The following SOCS4 variants were observed in gnomAD, a reference collection of about 807,000 sequenced individuals.
SOCS4 encodes the protein suppressor of cytokine signaling 4.
A neutral mutation model predicts 34.1 loss-of-function variants in SOCS4; 20 were observed. The ratio of observed to expected loss-of-function variants is 0.59; its 90% CI spans 0.41 to 0.85. The LOEUF is 0.85. Among genes scored for constraint, SOCS4 ranks in the 40% least tolerant of loss-of-function variants. SOCS4 has a pLI of 0.00. For synonymous variants in SOCS4, 180 were observed against 186.4 expected, an observed-to-expected ratio of 0.97 and a Z score of 0.28; for missense variants, 479 against 532.4, an observed-to-expected ratio of 0.90 and a Z score of 0.99.
chr14:55,043,602 T>C lies in SOCS4; in HGVS notation c.561T>C (p.Cys187=). ...KRRNMEENIN[C]FSHTNVQPCV... ...GAAATATGGAAGAAAATATAAACTGTTTCTCACATACCAATGTTCAGCCCT... is the reference window on the plus strand; with the variant it reads ...GAAATATGGAAGAAAATATAAACTGCTTCTCACATACCAATGTTCAGCCCT... The change falls in exon 3 of 3, where the codon TGT becomes TGC. Residue 187 remains cysteine, a synonymous_variant. Transcript: ENST00000555846. 1 of 1,614,162 alleles carries C rather than the reference T, an allele frequency of 6.2e-7. No homozygotes were observed. The highest frequency in any genetic ancestry group is 8.5e-7 in the Non-Finnish European group (1 of 1,180,020).
chr14:55,028,591 C>T (rs1192738885), intron 1 of SOCS4, among the ~76,000 whole-genome samples: 1 of 152,130 alleles, frequency 6.6e-6, no homozygotes, highest in African/African-American at 2.4e-5. Context: ...CAGAGCTCAG[C>T]ATAAGAAGAA....
chr14:55,043,823 C>T lies in SOCS4; in HGVS notation c.782C>T (p.Pro261Leu). 6.2e-7 allele frequency: 1 copy of T among 1,614,150 alleles called. No individual in the cohort carries two copies. The highest frequency in any genetic ancestry group is 8.5e-7 in the Non-Finnish European group (1 of 1,180,014). ...GATGAAATCCTGCAGTTGGAAACACCTCCTAAATACCACACGCAGATTGAT... is the reference window on the plus strand; with the variant it reads ...GATGAAATCCTGCAGTTGGAAACACTTCCTAAATACCACACGCAGATTGAT... ...LDDEILQLETPPKYHTQIDYV... is the reference protein window; with the variant it reads ...LDDEILQLETLPKYHTQIDYV... Residue 261 changes from proline to leucine, a missense_variant, in exon 3 of 3, where the codon CCT (proline) becomes CTT (leucine). By Grantham distance (98) the Pro-to-Leu change is moderately conservative. Coordinates refer to ENST00000555846, the MANE Select transcript of SOCS4 (RefSeq NM_199421.2).
chr14:55,033,871 G>A (rs924950451), intron 2 of SOCS4, among the ~76,000 whole-genome samples: 1 of 152,224 alleles, frequency 6.6e-6, no homozygotes, highest in African/African-American at 2.4e-5. Context: ...GGTGGCGCAT[G>A]CCTGTAATTC....
In SOCS4 at chr14:55,044,450, A is replaced by C; in HGVS notation, c.*86A>C. On this transcript the variant is annotated 3_prime_UTR_variant, in exon 3 of 3. Coordinates refer to ENST00000555846, the MANE Select transcript of SOCS4 (RefSeq NM_199421.2). ...TTTTTATGCCACTTTGGATTTTTCT[A>C]CAAAGGCAGTGGTGTCCAAAATAAA... 1 of 1,043,242 alleles carries C rather than the reference A, an allele frequency of 9.6e-7. No individual in the cohort carries two copies. Among genetic ancestry groups the C allele is most frequent in the Non-Finnish European group, 1.3e-6 (1 of 794,456 alleles). The allele number at this position is 1,043,242 out of a possible 1,614,324, so 64.6% of individuals were successfully genotyped here. A position where few individuals can be genotyped will look rare whatever the true frequency, so the allele number is the denominator to read the frequency against.
intron 2 of SOCS4, among the ~76,000 whole-genome samples, chr14:55,039,030 G>A (rs1021445296): frequency 2.0e-5 from 3 of 152,194 alleles, no homozygotes; most frequent in African/African-American, 7.2e-5. Context: ...TGTTTGGACT[G>A]ACTTCTGAGA....
At chr14:55,041,559 A>C (rs149816367) in intron 2 of SOCS4, among the ~76,000 whole-genome samples, 13,309 of 150,792 alleles carry the variant, frequency 0.088, 785 homozygotes, top group Admixed American at 0.16. Flanking sequence ...GCCCACTGCA[A>C]CCTCTGCCTC....
intron 2 of SOCS4, 73 bp from the exon 3 acceptor site, chr14:55,042,879 T>C: frequency 1.6e-6 from 1 of 627,420 alleles, no homozygotes; most frequent in Non-Finnish European, 2.7e-6. Context: ...CTCTTGTGTC[T>C]AATAGAAGCT....
intron 2 of SOCS4, among the ~76,000 whole-genome samples, chr14:55,036,853 A>C (rs2042576603): frequency 6.6e-6 from 1 of 151,878 alleles, no homozygotes; most frequent in African/African-American, 2.4e-5. Context: ...AGTGGCTCAC[A>C]CCTGAAAATC....
rs766150304 is a variant in SOCS4 at position 55,044,351 on chromosome 14, A to G, written c.1310A>G (p.Glu437Gly). 1 of 1,605,754 alleles carries G rather than the reference A, an allele frequency of 6.2e-7. No homozygotes were observed. The highest frequency in any genetic ancestry group is 2.2e-5 in the East Asian group (1 of 44,732). ...KVRVLRIDAP[E>G]QQC is the part of the protein sequence containing the mutation. ...AGAGTACTCAGGATTGATGCACCAG[A>G]ACAGCAATGCTAGTAACAGGATGGG... The change falls in exon 3 of 3, where the codon GAA becomes GGA. Residue 437 changes from glutamate to glycine, a missense_variant. By Grantham distance (98) the Glu-to-Gly change is moderately conservative (BLOSUM62 -2). Transcript: ENST00000555846.
intron 1 of SOCS4, among the ~76,000 whole-genome samples, chr14:55,030,172 A>G (rs565822619): frequency 1.8e-4 from 27 of 152,308 alleles, no homozygotes; most frequent in Non-Finnish European, 3.4e-4. Context: ...TTAGTAAAAC[A>G]TAAAGTGTAG....
chr14:55,043,705 A>G lies in SOCS4; in HGVS notation c.664A>G (p.Ser222Gly), dbSNP rs1182330141. The change falls in exon 3 of 3, where the codon AGT (serine) becomes GGT (glycine). Residue 222 changes from serine (S) to glycine (G), a missense_variant. By Grantham distance (56) the Ser-to-Gly change is moderately conservative (BLOSUM62 0). Coordinates refer to ENST00000555846, the MANE Select transcript of SOCS4 (RefSeq NM_199421.2). ...TGTGATGAACCTGGTTTCAAATAACAGTATAGAAGATAGTGATATGGATTC... is the reference window on the plus strand; with the variant it reads ...TGTGATGAACCTGGTTTCAAATAACGGTATAGAAGATAGTGATATGGATTC... Reference protein sequence around the residue: ...GSVMNLVSNNSIEDSDMDSDD... With the variant: ...GSVMNLVSNNGIEDSDMDSDD... 16 of 1,614,092 alleles carry G rather than the reference A, an allele frequency of 9.9e-6. 1 individual carries two copies. Among genetic ancestry groups the G allele is most frequent in the South Asian group, 3.3e-5 (3 of 91,088 alleles).
chr14:55,039,629 C>T (rs1167613196), intron 2 of SOCS4, among the ~76,000 whole-genome samples: 1 of 152,232 alleles, frequency 6.6e-6, no homozygotes, highest in African/African-American at 2.4e-5. Flanking sequence ...CGCGATGGCG[C>T]ATGCCTGTAA....
Position 55,043,699 on chromosome 14 carries a change from A to G in SOCS4, c.658A>G (p.Asn220Asp). ...MTGSVMNLVS[N>D]NSIEDSDMDS... Reference sequence around the variant, plus strand: ...TGGCTCTGTGATGAACCTGGTTTCAAATAACAGTATAGAAGATAGTGATAT... The same window carrying G: ...TGGCTCTGTGATGAACCTGGTTTCAGATAACAGTATAGAAGATAGTGATAT... Residue 220 changes from asparagine (N) to aspartate (D), a missense_variant, in exon 3 of 3, where the codon AAT becomes GAT. Coordinates refer to ENST00000555846, the MANE Select transcript of SOCS4 (RefSeq NM_199421.2). 2 of 1,614,206 alleles carry G rather than the reference A, an allele frequency of 1.2e-6. No homozygotes were observed. Among genetic ancestry groups the G allele is most frequent in the South Asian group, 1.1e-5 (1 of 91,082 alleles).
In SOCS4 at chr14:55,043,851, T is replaced by C. The variant is rs755088037; in HGVS notation, c.810T>C (p.Tyr270=). The C allele has an allele frequency of 1.4e-5, 23 of 1,614,110 alleles. No homozygotes were observed. In the South Asian group the frequency reaches 2.0e-4, roughly 14 times the overall value. The change falls in exon 3 of 3, where the codon TAT becomes TAC. Residue 270 remains tyrosine (Y), a synonymous_variant. Transcript: ENST00000555846. ...CTAAATACCACACGCAGATTGATTA[T>C]GTCCACTGTCTTGTACCAGACCTCC... The part of the protein sequence containing the change: ...TPPKYHTQID[Y]VHCLVPDLLQ...
chr14:55,033,376 T>A (rs920365380), intron 2 of SOCS4, among the ~76,000 whole-genome samples: 1 of 152,198 alleles, frequency 6.6e-6, no homozygotes, highest in African/African-American at 2.4e-5. Flanking sequence ...TATATGTGTT[T>A]AAGTATAAAG....
Position 55,043,689 on chromosome 14 carries a change from C to T in SOCS4, c.648C>T (p.Asn216=). 1 of 1,614,090 alleles carries T rather than the reference C, an allele frequency of 6.2e-7. No homozygotes were observed. ...REGPMTGSVM[N]LVSNNSIEDS... is the part of the protein sequence containing the mutation. ...GTCCTATGACTGGCTCTGTGATGAA[C>T]CTGGTTTCAAATAACAGTATAGAAG... The change falls in exon 3 of 3, where the codon AAC becomes AAT. Residue 216 remains asparagine (N), a synonymous_variant. Transcript: ENST00000555846.
In SOCS4 at chr14:55,043,665, T is replaced by A. The variant is rs1342192763; in HGVS notation, c.624T>A (p.Gly208=). The A allele has an allele frequency of 6.2e-7, 1 of 1,613,988 alleles. No homozygotes were observed. The highest frequency in any genetic ancestry group is 8.5e-7 in the Non-Finnish European group (1 of 1,179,964). Residue 208 remains glycine, a synonymous_variant, in exon 3 of 3, where the codon GGT becomes GGA. Coordinates refer to ENST00000555846, the MANE Select transcript of SOCS4 (RefSeq NM_199421.2). ...ITTDNALCRE[G]PMTGSVMNLV... is the part of the protein sequence containing the mutation. ...CCGACAATGCTTTGTGTAGAGAAGG[T>A]CCTATGACTGGCTCTGTGATGAACC...
chr14:55,040,988 C>T (rs1341659256), intron 2 of SOCS4, among the ~76,000 whole-genome samples: 2 of 151,164 alleles, frequency 1.3e-5, no homozygotes, highest in African/African-American at 4.9e-5. Flanking sequence ...GCCTCCCAGG[C>T]TCATATGATC....
At chr14:55,032,752 G>A (rs921610200) in intron 2 of SOCS4, among the ~76,000 whole-genome samples, 1 of 128,224 alleles carries the variant, frequency 7.8e-6, no homozygotes, top group South Asian at 2.4e-4. Context: ...GAAATTGTTG[G>A]TAAAGCCACC....
Sources: allele counts gnomAD v4.1 joint callset (sites outside exome capture counted in the v4.1 genomes callset), GRCh38; gene constraint gnomAD v4.1.1; transcripts MANE v1.5; gene names NCBI Gene and HGNC (gene_info 2026-07-23, HGNC 2026-07-21).